Variants in PPP1R1C observed in about 807,000 individuals in gnomAD.
The protein encoded by PPP1R1C is protein phosphatase 1 regulatory inhibitor subunit 1C.
PPP1R1C carries 15 observed loss-of-function variants against 17.4 expected under a neutral mutation model. The observed-to-expected ratio is 0.86, with a 90% CI of 0.58 to 1.33. The LOEUF (loss-of-function observed/expected upper bound fraction) is 1.33, where lower values mean the gene tolerates loss of function less well. Among genes scored for constraint, PPP1R1C ranks in the 40% most tolerant of loss-of-function variants. The probability of loss-of-function intolerance (pLI) is 0.00; values close to 1 mark genes in which losing one functional copy is unlikely to be tolerated. For missense variants in PPP1R1C, 143 were observed against 130.0 expected (o/e 1.10, Z -0.48); for synonymous variants, 35 against 43.1 (o/e 0.81, Z 0.73).
chr2:182,038,010 C>A (rs964197267), intron 2 of PPP1R1C, among the ~76,000 whole-genome samples: 11 of 151,726 alleles, frequency 7.2e-5, no homozygotes, highest in Non-Finnish European at 1.5e-4. Flanking sequence ...TATATTCAGG[C>A]AATTTCTATT....
rs1385932502 is a variant in PPP1R1C at position 182,124,304 on chromosome 2, GTTTTTTTTTGTTTTTTTTTTTTGTT to G, written c.*7-4647_*7-4623del. Among the ~76,000 whole-genome samples the G allele has an allele frequency of 1.1e-3, 87 of 77,648 alleles. 1 individual carries two copies. The highest frequency in any genetic ancestry group is 1.2e-3 in the South Asian group (3 of 2,440). 50.9% of individuals were successfully genotyped at this position (77,648 alleles called of 152,430 possible). A position where few individuals can be genotyped will look rare whatever the true frequency, so the allele number is the denominator to read the frequency against. On this transcript the variant is annotated intron_variant, in intron 5 of 5. Transcript: ENST00000280295. Reference sequence around the variant, plus strand: ...CAGGTAGTGTTATGCCTCCAGCTTTGTTTTTTTTTGTTTTTTTTTTTTGTTTTTTTTTTTGTTTTTTTTTTTTTGC... The same window carrying G: ...CAGGTAGTGTTATGCCTCCAGCTTTGTTTTTTTTTGTTTTTTTTTTTTTGC...
At chr2:182,069,787 T>C (rs1283781621) in intron 4 of PPP1R1C, among the ~76,000 whole-genome samples, 1 of 152,262 alleles carries the variant, frequency 6.6e-6, no homozygotes, top group Non-Finnish European at 1.5e-5. Context: ...CTTTTAAAAT[T>C]GCTTTCTATT....
chr2:182,046,453 C>T (rs763467318), intron 2 of PPP1R1C, among the ~76,000 whole-genome samples: 22 of 151,662 alleles, frequency 1.5e-4, no homozygotes, highest in Non-Finnish European at 2.8e-4. Flanking sequence ...AATTCAAAGG[C>T]GAAGTGGCTC....
intron 1 of PPP1R1C, among the ~76,000 whole-genome samples, chr2:181,965,571 A>G (rs1684891147): frequency 6.6e-6 from 1 of 152,072 alleles, no homozygotes; most frequent in South Asian, 2.1e-4. Context: ...TCCTCAATGT[A>G]TGTTCTTGAC....
chr2:182,123,027 C>G (rs145730713), intron 5 of PPP1R1C, among the ~76,000 whole-genome samples: 1,884 of 152,274 alleles, frequency 0.012, 45 homozygotes, highest in African/African-American at 0.042. Flanking sequence ...TGACAGGCCC[C>G]TGTGTGTGAT....
intron 2 of PPP1R1C, among the ~76,000 whole-genome samples, chr2:182,003,219 A>G (rs1019337871): frequency 6.6e-6 from 1 of 152,172 alleles, no homozygotes; most frequent in Non-Finnish European, 1.5e-5. Context: ...TTTTCCAAAC[A>G]GTAGTCTTGT....
chr2:181,969,281 G>T (rs919046636), intron 1 of PPP1R1C, among the ~76,000 whole-genome samples: 3 of 152,124 alleles, frequency 2.0e-5, no homozygotes, highest in African/African-American at 7.2e-5. Context: ...TTGTAGGACA[G>T]GGCTAATGTT....
intron 4 of PPP1R1C, among the ~76,000 whole-genome samples, chr2:182,065,598 A>G (rs1687963181): frequency 6.6e-6 from 1 of 152,116 alleles, no homozygotes; most frequent in African/African-American, 2.4e-5. Flanking sequence ...GTACATGCTT[A>G]TAGTCTCAGC....
intron 4 of PPP1R1C, among the ~76,000 whole-genome samples, chr2:182,089,201 G>C (rs938797603): frequency 6.6e-6 from 1 of 152,164 alleles, no homozygotes; most frequent in Non-Finnish European, 1.5e-5. Context: ...CCAGCTGTTT[G>C]GATCATCTGA....
chr2:182,073,944 A>G (rs944438078), intron 4 of PPP1R1C, among the ~76,000 whole-genome samples: 4 of 152,146 alleles, frequency 2.6e-5, no homozygotes, highest in Admixed American at 6.5e-5. Context: ...ACTTTTGGAT[A>G]ATTTTGAAGA....
At chr2:182,081,361 A>G (rs756972519) in intron 4 of PPP1R1C, among the ~76,000 whole-genome samples, 2 of 152,226 alleles carry the variant, frequency 1.3e-5, no homozygotes, top group Non-Finnish European at 2.9e-5. Flanking sequence ...GGGTGAATAC[A>G]AATGAGTGCC....
At chr2:182,017,109 T>C (rs1317951114) in intron 2 of PPP1R1C, among the ~76,000 whole-genome samples, 4 of 152,208 alleles carry the variant, frequency 2.6e-5, no homozygotes, top group Non-Finnish European at 4.4e-5. Context: ...TATAAGTTTC[T>C]TCTAACAGTA....
chr2:182,013,189 T>C (rs941379815), intron 2 of PPP1R1C, among the ~76,000 whole-genome samples: 1 of 152,160 alleles, frequency 6.6e-6, no homozygotes, highest in Non-Finnish European at 1.5e-5. Context: ...AGAACTTCCG[T>C]TAGCATTTCA....
chr2:182,115,012 A>C (rs1275933778), intron 4 of PPP1R1C, among the ~76,000 whole-genome samples: 3 of 152,152 alleles, frequency 2.0e-5, no homozygotes, highest in Non-Finnish European at 4.4e-5. Context: ...TAAGGACATT[A>C]GATTATTACC....
intron 4 of PPP1R1C, among the ~76,000 whole-genome samples, chr2:182,105,369 G>A (rs146161612): frequency 1.5e-4 from 23 of 152,304 alleles, no homozygotes; most frequent in African/African-American, 5.1e-4. Context: ...ACATCCGTCA[G>A]CATAGTTTTA....
intron 2 of PPP1R1C, among the ~76,000 whole-genome samples, chr2:182,009,833 C>T (rs1421943735): frequency 2.0e-5 from 3 of 152,066 alleles, no homozygotes; most frequent in Non-Finnish European, 2.9e-5. Context: ...TTTTATTCTT[C>T]TGCATATGGA....
intron 1 of PPP1R1C, among the ~76,000 whole-genome samples, chr2:181,973,089 G>C (rs981460866): frequency 6.6e-6 from 1 of 152,050 alleles, no homozygotes; most frequent in Non-Finnish European, 1.5e-5. Flanking sequence ...GATGGCACTG[G>C]TGATCCCCAA....
Position 181,976,304 on chromosome 2 carries a change from A to G in PPP1R1C, n.157+1040A>G, listed in dbSNP as rs918908094. On this transcript the variant is annotated intron_variant and non_coding_transcript_variant, in intron 2 of 5. Transcript: ENST00000464264. The surrounding 1 kb of genome is among the most constrained non-coding windows in gnomAD (Gnocchi z 4.8). ...ATGAAATTATACTAGATACAGCTAT[A>G]CTATTTAAACATTGTGTGAAATTTT... Among the ~76,000 whole-genome samples the G allele has an allele frequency of 2.6e-5, 4 of 152,134 alleles. No individual in the cohort carries two copies. The highest frequency in any genetic ancestry group is 5.9e-5 in the Non-Finnish European group (4 of 67,976).
chr2:182,055,255 A>G (rs149570438), intron 2 of PPP1R1C, among the ~76,000 whole-genome samples: 148 of 152,218 alleles, frequency 9.7e-4, no homozygotes, highest in African/African-American at 3.3e-3. Context: ...ACTTCCCTCT[A>G]AGTGTCTTTA....
Sources: gnomAD v4.1 joint callset for allele counts (sites outside exome capture counted in the v4.1 genomes callset) on GRCh38, gnomAD v4.1.1 for gene constraint, Gnocchi (gnomAD v3.1) non-coding constraint, MANE v1.5 for transcripts, NCBI Gene and HGNC (gene_info 2026-07-23, HGNC 2026-07-21) for gene names.